The following ELAVL2 variants were observed in gnomAD, a reference collection of about 807,000 sequenced individuals.
The protein encoded by ELAVL2 is ELAV-like protein 2.
ELAVL2 carries 4 observed loss-of-function variants against 34.6 expected under a neutral mutation model. The observed-to-expected ratio is 0.12, with a 90% CI of 0.06 to 0.26. ELAVL2 has a LOEUF of 0.26. Ranked by LOEUF, ELAVL2 falls within the 10% of genes least tolerant of loss-of-function variation. ELAVL2 has a pLI of 1.00. For missense variants in ELAVL2, 432 were observed against 442.8 expected, an observed-to-expected ratio of 0.98 and a Z score of 0.22; for synonymous variants, 193 against 154.8, an observed-to-expected ratio of 1.25 and a Z score of -1.83.
chr9:23,740,951 A>G (rs1465782977), intron 2 of ELAVL2, among the ~76,000 whole-genome samples: 1 of 152,188 alleles, frequency 6.6e-6, no homozygotes, highest in Non-Finnish European at 1.5e-5. Context: ...GCGGTGGAAA[A>G]AAGATGGGAT....
At chr9:23,770,879 T>C (rs1371095814) in intron 1 of ELAVL2, among the ~76,000 whole-genome samples, 2 of 152,172 alleles carry the variant, frequency 1.3e-5, no homozygotes, top group African/African-American at 2.4e-5. Flanking sequence ...GAAAAGATTC[T>C]AGGCAGAGAC....
At position 23,724,886 on chromosome 9, in the gene ELAVL2, T is replaced by C. The variant is rs1388748604; in HGVS notation, c.333+6136A>G. ...ATATACTTTTTCAATTTTTTTTTTG[T>C]CTGGATAAATAACAGTTATTAGGCT... On this transcript the variant is annotated intron_variant, in intron 3 of 6. Transcript: ENST00000397312. 2.0e-5 allele frequency among the ~76,000 whole-genome samples: 3 copies of C among 152,212 alleles called. No individual in the cohort carries two copies. In the South Asian group the frequency reaches 6.2e-4, roughly 32 times the overall value.
chr9:23,702,095 A>G (rs1368557989), intron 4 of ELAVL2, among the ~76,000 whole-genome samples: 1 of 152,196 alleles, frequency 6.6e-6, no homozygotes, highest in Non-Finnish European at 1.5e-5. Flanking sequence ...CTGTGGTAGA[A>G]AGACATTTCG....
intron 3 of ELAVL2, among the ~76,000 whole-genome samples, chr9:23,730,646 T>C (rs940379244): frequency 3.3e-5 from 5 of 152,270 alleles, no homozygotes; most frequent in East Asian, 1.9e-4. Flanking sequence ...GTTGAGAAGT[T>C]GTGACAGAAT....
chr9:23,717,954 T>C (rs543261028), intron 3 of ELAVL2, among the ~76,000 whole-genome samples: 148 of 152,300 alleles, frequency 9.7e-4, no homozygotes, highest in African/African-American at 3.5e-3. Context: ...TGCAATTAAA[T>C]ACTTCTCAAA....
At chr9:23,731,842 G>C (rs1221017731) in intron 2 of ELAVL2, among the ~76,000 whole-genome samples, 1 of 152,066 alleles carries the variant, frequency 6.6e-6, no homozygotes, top group East Asian at 1.9e-4. Flanking sequence ...AAAAAGTCTA[G>C]AGTAAAAGTT....
chr9:23,819,709 G>T (rs567837998), intron 1 of ELAVL2, among the ~76,000 whole-genome samples: 1 of 152,184 alleles, frequency 6.6e-6, no homozygotes, highest in East Asian at 1.9e-4. Flanking sequence ...AGGCAACAAG[G>T]GGCTGGTTTT....
intron 1 of ELAVL2, among the ~76,000 whole-genome samples, chr9:23,778,541 T>C (rs1013066624): frequency 5.9e-5 from 9 of 152,192 alleles, no homozygotes; most frequent in African/African-American, 1.9e-4. Context: ...GGGTGCCTTC[T>C]TTCCAGCTCT....
chr9:23,786,061 C>G lies in ELAVL2; in HGVS notation c.-15-23812G>C, dbSNP rs558656771. 4.6e-5 allele frequency among the ~76,000 whole-genome samples: 7 copies of G among 152,276 alleles called. No individual in the cohort carries two copies. In the South Asian group the frequency reaches 1.4e-3, roughly 32 times the overall value. On this transcript the variant is annotated intron_variant, in intron 1 of 6. Coordinates refer to ENST00000397312, the MANE Select transcript of ELAVL2 (RefSeq NM_004432.5). ...TCTCAAGCTAGCTGAACTTGAGAGACTTCTAAGTCTATCCAAGGACATTTG... is the reference window on the plus strand; with the variant it reads ...TCTCAAGCTAGCTGAACTTGAGAGAGTTCTAAGTCTATCCAAGGACATTTG...
intron 1 of ELAVL2, among the ~76,000 whole-genome samples, chr9:23,781,787 G>A (rs537142562): frequency 3.9e-5 from 6 of 152,020 alleles, no homozygotes; most frequent in African/African-American, 9.6e-5. Context: ...TCTGCCTCCC[G>A]GGTTCACACC....
At chr9:23,842,871 C>T in the ELAVL2 span, among the ~76,000 whole-genome samples, 1 of 152,230 alleles carries the variant, frequency 6.6e-6, no homozygotes, top group African/African-American at 2.4e-5. Context: ...TACTTTAACA[C>T]CTCCTGCTAG....
intron 2 of ELAVL2, among the ~76,000 whole-genome samples, chr9:23,743,703 T>G (rs1310095731): frequency 2.0e-5 from 3 of 152,212 alleles, no homozygotes; most frequent in Non-Finnish European, 4.4e-5. Flanking sequence ...ATTACCATTT[T>G]ATCATCTCAA....
chr9:23,798,818 C>G (rs783458), intron 1 of ELAVL2, among the ~76,000 whole-genome samples: 2 of 152,024 alleles, frequency 1.3e-5, no homozygotes, highest in East Asian at 1.9e-4. Flanking sequence ...CCCAGGCACA[C>G]GTGTAATTAA....
At chr9:23,762,344 G>A (rs1211109924) in intron 1 of ELAVL2, 95 bp from the exon 2 acceptor site, 5 of 1,488,698 alleles carry the variant, frequency 3.4e-6, no homozygotes, top group East Asian at 2.3e-5. Context: ...CTAAACACAA[G>A]TCGTTCTAAT....
At chr9:23,776,622 C>T (rs1484943979) in intron 1 of ELAVL2, among the ~76,000 whole-genome samples, 2 of 151,764 alleles carry the variant, frequency 1.3e-5, no homozygotes, top group Non-Finnish European at 2.9e-5. Flanking sequence ...TTCTCCAAAA[C>T]ACACCTGTGT....
rs1457124230 is a variant in ELAVL2, at chr9:23,691,368, A to T, written c.*1189T>A. 6.6e-6 allele frequency: 1 copy of T among 152,502 alleles called. No individual in the cohort carries two copies. Among genetic ancestry groups the T allele is most frequent in the Non-Finnish European group, 1.5e-5 (1 of 67,980 alleles). The allele number at this position is 152,502 out of a possible 1,614,324, so 9.4% of individuals were successfully genotyped here. On this transcript the variant is annotated 3_prime_UTR_variant, in exon 7 of 7. Coordinates refer to ENST00000397312, the MANE Select transcript of ELAVL2 (RefSeq NM_004432.5). The stretch of plus-strand genomic sequence containing the variant: ...TTCAAAATACCTTCAAATATATCCA[A>T]CTCAGATCACTTTTGCTGATTTGCT...
intron 3 of ELAVL2, among the ~76,000 whole-genome samples, chr9:23,720,389 G>C (rs1475611033): frequency 6.6e-6 from 1 of 150,668 alleles, no homozygotes; most frequent in Non-Finnish European, 1.5e-5. Flanking sequence ...TGGCGGCCAA[G>C]CTGATCCTGA....
intron 2 of ELAVL2, among the ~76,000 whole-genome samples, chr9:23,738,607 A>C (rs756614830): frequency 2.0e-5 from 3 of 152,186 alleles, no homozygotes; most frequent in Non-Finnish European, 4.4e-5. Flanking sequence ...GCTCACTCGA[A>C]GACTCATCTT....
intron 2 of ELAVL2, among the ~76,000 whole-genome samples, chr9:23,755,665 T>C (rs938074976): frequency 2.0e-5 from 3 of 152,174 alleles, no homozygotes; most frequent in Admixed American, 6.5e-5. Flanking sequence ...AAATGTACTG[T>C]ATTCCACAGT....
Sources: gnomAD v4.1 joint callset for allele counts (sites outside exome capture counted in the v4.1 genomes callset) on GRCh38, gnomAD v4.1.1 for gene constraint, MANE v1.5 for transcripts, NCBI Gene and HGNC (gene_info 2026-07-23, HGNC 2026-07-21) for gene names.